The following ZNF827 variants were observed in gnomAD, a reference collection of about 807,000 sequenced individuals.
ZNF827 encodes zinc finger protein 827.
A neutral mutation model predicts 102.4 loss-of-function variants in ZNF827; 13 were observed. The ratio of observed to expected loss-of-function variants is 0.13; its 90% CI spans 0.08 to 0.20. The LOEUF is 0.20. ZNF827 is among the 10% of genes least tolerant of loss of function. The pLI is 1.00. For missense variants in ZNF827, 1,103 were observed against 1,344.4 expected (o/e 0.82, Z 2.81); for synonymous variants, 523 against 536.2 (o/e 0.98, Z 0.34).
At chr4:145,788,162 A>AT (rs371117323) in intron 8 of ZNF827, among the ~76,000 whole-genome samples, 29 of 150,426 alleles carry the variant, frequency 1.9e-4, no homozygotes, top group East Asian at 1.8e-3. Context: ...CTGGATAACC[A>AT]TTTTTTTTTG....
intron 1 of ZNF827, among the ~76,000 whole-genome samples, chr4:145,921,693 G>T (rs1017334055): frequency 2.0e-5 from 3 of 152,146 alleles, no homozygotes; most frequent in African/African-American, 7.2e-5. Context: ...TGTCTCAGAT[G>T]AGTGGGTTCA....
intron 8 of ZNF827, among the ~76,000 whole-genome samples, chr4:145,792,165 G>T (rs1739803554): frequency 6.6e-6 from 1 of 152,102 alleles, no homozygotes; most frequent in Non-Finnish European, 1.5e-5. Flanking sequence ...TTCCTAGGTG[G>T]CAAGTGCTGC....
At chr4:145,919,707 C>T (rs933985465) in intron 1 of ZNF827, among the ~76,000 whole-genome samples, 3 of 152,234 alleles carry the variant, frequency 2.0e-5, no homozygotes, top group African/African-American at 7.2e-5. Context: ...ACTGCTCTCT[C>T]TCCCATACAT....
chr4:145,900,974 A>G (rs1231214857), intron 2 of ZNF827, among the ~76,000 whole-genome samples: 2 of 152,174 alleles, frequency 1.3e-5, no homozygotes, highest in Admixed American at 1.3e-4. Flanking sequence ...TGGATCACCA[A>G]GAGTCATAAA....
intron 8 of ZNF827, among the ~76,000 whole-genome samples, chr4:145,801,281 T>A (rs1740873116): frequency 6.6e-6 from 1 of 152,212 alleles, no homozygotes; most frequent in South Asian, 2.1e-4. Context: ...CGTTAGCAGT[T>A]GTATGTTGCT....
chr4:145,825,692 A>G (rs763015578), intron 7 of ZNF827, among the ~76,000 whole-genome samples: 1 of 152,198 alleles, frequency 6.6e-6, no homozygotes, highest in Non-Finnish European at 1.5e-5. Flanking sequence ...AGTAGTGGCA[A>G]TGGGCTAGCA....
chr4:145,860,337 C>T (rs1226428728), intron 5 of ZNF827, among the ~76,000 whole-genome samples: 2 of 152,144 alleles, frequency 1.3e-5, no homozygotes, highest in Non-Finnish European at 2.9e-5. Flanking sequence ...GTAAGGCTGT[C>T]CCCATAAACG....
intron 2 of ZNF827, among the ~76,000 whole-genome samples, chr4:145,892,814 T>G (rs1323949273): frequency 6.6e-6 from 1 of 152,228 alleles, no homozygotes; most frequent in East Asian, 1.9e-4. Flanking sequence ...CAGACTCAAG[T>G]CCATGTCTGA....
chr4:145,757,726 C>T lies in ZNF827; in HGVS notation c.*3890G>A, dbSNP rs1378024759. The T allele has an allele frequency of 6.6e-6, 1 of 150,972 alleles. No individual in the cohort carries two copies. The highest frequency in any genetic ancestry group is 1.9e-4 in the East Asian group (1 of 5,170). 9.4% of individuals were successfully genotyped at this position (150,972 alleles called of 1,614,324 possible). A position where few individuals can be genotyped will look rare whatever the true frequency, so the allele number is the denominator to read the frequency against. On this transcript the variant is annotated 3_prime_UTR_variant, in exon 15 of 15. Transcript: ENST00000508784. ...CAACATAAGATGCAAAGGAATATAC[C>T]AGTTACTGTCAAAATGACCCTGTAC... is the stretch of plus-strand genomic sequence containing the variant.
At chr4:145,936,421 CG>C (rs1481096309) in intron 1 of ZNF827, among the ~76,000 whole-genome samples, 3 of 151,570 alleles carry the variant, frequency 2.0e-5, no homozygotes, top group African/African-American at 7.3e-5. Context: ...AGCGGGCAGG[CG>C]AAGAAAGGAC....
chr4:145,775,133 T>C (rs1736858391), intron 10 of ZNF827, among the ~76,000 whole-genome samples: 1 of 152,110 alleles, frequency 6.6e-6, no homozygotes, highest in Admixed American at 6.5e-5. Flanking sequence ...GTTTGTTGTA[T>C]GGCACTCCAA....
At position 145,803,301 on chromosome 4, in the gene ZNF827, C is replaced by T. The variant is rs549755012; in HGVS notation, c.2383+20121G>A. 7.2e-5 allele frequency among the ~76,000 whole-genome samples: 11 copies of T among 152,116 alleles called. No homozygotes were observed. In the South Asian group the frequency reaches 2.3e-3, roughly 32 times the overall value. Reference sequence around the variant, plus strand: ...CAAGTCTATTAAAACCAAAACAAAACAATGACAAATATCCTTTTCCTAGTG... The same window carrying T: ...CAAGTCTATTAAAACCAAAACAAAATAATGACAAATATCCTTTTCCTAGTG... On this transcript the variant is annotated intron_variant, in intron 8 of 14. Transcript: ENST00000508784.
At chr4:145,909,415 T>C (rs1752106672) in intron 1 of ZNF827, among the ~76,000 whole-genome samples, 1 of 152,240 alleles carries the variant, frequency 6.6e-6, no homozygotes, top group Non-Finnish European at 1.5e-5. Flanking sequence ...GGGCTCTCTC[T>C]CATTCGCCTC....
At chr4:145,785,276 G>A (rs1442880845) in intron 8 of ZNF827, among the ~76,000 whole-genome samples, 1 of 152,262 alleles carries the variant, frequency 6.6e-6, no homozygotes, top group African/African-American at 2.4e-5. Context: ...AGCAAACTAT[G>A]CTTCTTATAA....
intron 8 of ZNF827, among the ~76,000 whole-genome samples, chr4:145,813,507 G>A (rs1273510347): frequency 1.4e-5 from 2 of 146,522 alleles, no homozygotes; most frequent in Admixed American, 6.8e-5. Context: ...CTAGGGGTCC[G>A]GGAATGTATC....
chr4:145,826,967 G>A (rs747858792), intron 7 of ZNF827, among the ~76,000 whole-genome samples: 2 of 151,842 alleles, frequency 1.3e-5, no homozygotes, highest in Non-Finnish European at 2.9e-5. Context: ...GGCTGGTCTC[G>A]ATTTTCTGAC....
chr4:145,822,238 C>G (rs1248275076), intron 8 of ZNF827, among the ~76,000 whole-genome samples: 3 of 152,168 alleles, frequency 2.0e-5, no homozygotes, highest in Non-Finnish European at 4.4e-5. Flanking sequence ...AGCTAAAAAG[C>G]ATGCAGGTAT....
At position 145,761,285 on chromosome 4, in the gene ZNF827, G is replaced by A. The variant is rs954201940; in HGVS notation, c.*331C>T. The A allele has an allele frequency of 7.8e-7, 1 of 1,289,926 alleles. No homozygotes were observed. Among genetic ancestry groups the A allele is most frequent in the Non-Finnish European group, 1.0e-6 (1 of 988,882 alleles). The allele number at this position is 1,289,926 out of a possible 1,614,324, so 79.9% of individuals were successfully genotyped here. A position where few individuals can be genotyped will look rare whatever the true frequency, so the allele number is the denominator to read the frequency against. ...CAGCTGAAGGTCTGGCGTGGGGCGTGCTTCAGCTTCTTGTGCAGGTTGAGA... is the reference window on the plus strand; with the variant it reads ...CAGCTGAAGGTCTGGCGTGGGGCGTACTTCAGCTTCTTGTGCAGGTTGAGA... On this transcript the variant is annotated 3_prime_UTR_variant, in exon 15 of 15. Transcript: ENST00000508784. This position sits in a 1 kb window ranked among gnomAD's most constrained non-coding sequence, Gnocchi z 6.8.
chr4:145,935,134 C>T (rs1378610596), intron 1 of ZNF827, among the ~76,000 whole-genome samples: 4 of 152,082 alleles, frequency 2.6e-5, no homozygotes, highest in African/African-American at 9.7e-5. Flanking sequence ...TCTTAAAACC[C>T]TGAGATGACT....
Sources: gnomAD v4.1 joint callset for allele counts (sites outside exome capture counted in the v4.1 genomes callset) on GRCh38, gnomAD v4.1.1 for gene constraint, Gnocchi (gnomAD v3.1) non-coding constraint, MANE v1.5 for transcripts, NCBI Gene and HGNC (gene_info 2026-07-23, HGNC 2026-07-21) for gene names.